CTNND2: variants seen among roughly 807,000 people sequenced by gnomAD.
CTNND2 encodes the protein catenin delta-2.
A neutral mutation model predicts 144.4 loss-of-function variants in CTNND2; 22 were observed. That is an observed-to-expected ratio of 0.15 (90% CI 0.11 to 0.22). The LOEUF (loss-of-function observed/expected upper bound fraction) is 0.22, where lower values mean the gene tolerates loss of function less well. Ranked by LOEUF, CTNND2 falls within the 10% of genes least tolerant of loss-of-function variation. CTNND2 has a pLI of 1.00. For missense variants in CTNND2, 1,353 were observed against 1,618.8 expected (o/e 0.84, Z 2.82); for synonymous variants, 751 against 695.6 (o/e 1.08, Z -1.25).
intron 1 of CTNND2, among the ~76,000 whole-genome samples, chr5:11,881,233 G>A (rs1269798084): frequency 6.6e-6 from 1 of 151,894 alleles, no homozygotes; most frequent in African/African-American, 2.4e-5. Flanking sequence ...TATACAATGT[G>A]TAGTGATCAA....
At chr5:11,409,273 C>G (rs1339659810) in intron 5 of CTNND2, among the ~76,000 whole-genome samples, 6 of 151,898 alleles carry the variant, frequency 4.0e-5, no homozygotes, top group Non-Finnish European at 7.4e-5. Flanking sequence ...AGATTTTTAT[C>G]CAAGAATATG....
At chr5:11,063,672 T>C (rs906550570) in intron 16 of CTNND2, among the ~76,000 whole-genome samples, 2 of 152,098 alleles carry the variant, frequency 1.3e-5, no homozygotes, top group African/African-American at 4.8e-5. Context: ...TGATGTTGGG[T>C]ACTAAACCAC....
In CTNND2 at chr5:11,633,738, T is replaced by C. The variant is rs2727609; in HGVS notation, c.175-68682A>G. Reference sequence around the variant, plus strand: ...TTGCAGTAAGCCACAAATGTGCCAATGTACTCCAGTCTGGGTGACAGAATG... The same window carrying C: ...TTGCAGTAAGCCACAAATGTGCCAACGTACTCCAGTCTGGGTGACAGAATG... On this transcript the variant is annotated intron_variant, in intron 2 of 21. Transcript: ENST00000304623. 4.3e-3 allele frequency among the ~76,000 whole-genome samples: 651 copies of C among 149,858 alleles called. 4 individuals carry two copies. Among genetic ancestry groups the C allele is most frequent in the African/African-American group, 0.015 (621 of 40,554 alleles).
rs1032375200 is a variant in CTNND2 at position 11,463,804 on chromosome 5, A to G, written c.288-51735T>C. On this transcript the variant is annotated intron_variant, in intron 3 of 21. Coordinates refer to ENST00000304623, the MANE Select transcript of CTNND2 (RefSeq NM_001332.4). ...CACTGGGCAATGGAGGCAGGAGTCT[A>G]TGAACTACAGGTCCAGCTAAGCTTT... 2.0e-5 allele frequency among the ~76,000 whole-genome samples: 3 copies of G among 151,894 alleles called. No individual in the cohort carries two copies. The East Asian group carries it at 5.8e-4, about 29-fold the overall frequency.
chr5:11,398,490 T>C (rs1239507494), intron 5 of CTNND2, among the ~76,000 whole-genome samples: 1 of 152,158 alleles, frequency 6.6e-6, no homozygotes, highest in South Asian at 2.1e-4. Flanking sequence ...TTCATCAGTA[T>C]TTGAAACAAC....
At chr5:11,885,583 C>T (rs1258813557) in intron 1 of CTNND2, among the ~76,000 whole-genome samples, 2 of 152,110 alleles carry the variant, frequency 1.3e-5, no homozygotes, top group African/African-American at 4.8e-5. Flanking sequence ...GAGATATAGG[C>T]TGCAGTATAA....
chr5:11,690,593 G>A (rs551882650), intron 2 of CTNND2, among the ~76,000 whole-genome samples: 53 of 151,530 alleles, frequency 3.5e-4, no homozygotes, highest in African/African-American at 1.1e-3. Flanking sequence ...AAAATTAGCC[G>A]GGCGCGGTGG....
chr5:11,621,518 G>A (rs542934789), intron 2 of CTNND2, among the ~76,000 whole-genome samples: 23 of 152,144 alleles, frequency 1.5e-4, no homozygotes, highest in Admixed American at 5.2e-4. Context: ...AGAAAAAATC[G>A]TGTAAATGGC....
At chr5:11,674,540 T>C (rs1369810311) in intron 2 of CTNND2, among the ~76,000 whole-genome samples, 2 of 152,196 alleles carry the variant, frequency 1.3e-5, no homozygotes, top group Non-Finnish European at 2.9e-5. Context: ...CCAAAGTTCA[T>C]AGTTTACCTT....
intron 16 of CTNND2, among the ~76,000 whole-genome samples, chr5:11,061,777 C>T (rs1008995817): frequency 5.3e-5 from 8 of 151,918 alleles, no homozygotes; most frequent in African/African-American, 1.2e-4. Flanking sequence ...GGTGCAATCT[C>T]GGCTCACTGC....
At chr5:11,693,028 G>A (rs760795833) in intron 2 of CTNND2, among the ~76,000 whole-genome samples, 2 of 152,108 alleles carry the variant, frequency 1.3e-5, no homozygotes, top group African/African-American at 2.4e-5. Flanking sequence ...AACACATCTG[G>A]GTTGTCAATT....
At chr5:11,711,914 C>T (rs1320526479) in intron 2 of CTNND2, among the ~76,000 whole-genome samples, 1 of 152,202 alleles carries the variant, frequency 6.6e-6, no homozygotes, top group East Asian at 1.9e-4. Flanking sequence ...GTGTGTGAGG[C>T]ATGGTGCCTG....
intron 12 of CTNND2, among the ~76,000 whole-genome samples, chr5:11,128,204 G>T (rs1442881173): frequency 6.6e-6 from 1 of 152,016 alleles, no homozygotes; most frequent in Non-Finnish European, 1.5e-5. Context: ...TCAGCTCCCA[G>T]CTGCTAGCTT....
chr5:11,902,466 G>A (rs1191879162), intron 1 of CTNND2, among the ~76,000 whole-genome samples: 1 of 152,160 alleles, frequency 6.6e-6, no homozygotes, highest in African/African-American at 2.4e-5. Context: ...GTAGGTGAAT[G>A]ACCAGCAGCA....
intron 12 of CTNND2, among the ~76,000 whole-genome samples, chr5:11,128,795 T>TAAATACA (rs372613635): frequency 3.2e-5 from 2 of 61,546 alleles, no homozygotes; most frequent in Non-Finnish European, 5.4e-5. Context: ...TAAATATATA[T>TAAATACA]TATATATATA....
Position 11,022,881 on chromosome 5 carries a change from C to G in CTNND2, c.2887G>C (p.Val963Leu). 1.9e-6 allele frequency: 3 copies of G among 1,614,196 alleles called. No homozygotes were observed. Among genetic ancestry groups the G allele is most frequent in the African/African-American group, 1.3e-5 (1 of 75,048 alleles). Residue 963 changes from valine (V) to leucine (L), a missense_variant, in exon 17 of 22, where the codon GTC becomes CTC. Physicochemically the swap from Val to Leu is conservative, Grantham distance 32 (BLOSUM62 1). Around this residue, in one of 4 missense-constraint regions of CTNND2, gnomAD observed 459 missense variants for 674.3 expected, o/e 0.68. Transcript: ENST00000304623. ...ATCACTTCGTGCAGTGTGCAGCAGA[C>G]AGCTGTCACTGTGTCATCCGACATG... Reference protein sequence around the residue: ...KAMSDDTVTAVCCTLHEVITK... With the variant: ...KAMSDDTVTALCCTLHEVITK...
At chr5:11,043,666 T>C (rs974533800) in intron 16 of CTNND2, among the ~76,000 whole-genome samples, 1 of 152,216 alleles carries the variant, frequency 6.6e-6, no homozygotes, top group Non-Finnish European at 1.5e-5. Flanking sequence ...AAATGACTTA[T>C]TGTTATATCT....
chr5:11,783,158 C>T (rs569182986), intron 1 of CTNND2, among the ~76,000 whole-genome samples: 7 of 152,250 alleles, frequency 4.6e-5, no homozygotes, highest in Non-Finnish European at 7.3e-5. Flanking sequence ...TTCTCCCAGG[C>T]TCCCCAGTCA....
intron 7 of CTNND2, among the ~76,000 whole-genome samples, chr5:11,377,886 A>G (rs536421820): frequency 6.6e-6 from 1 of 152,262 alleles, no homozygotes; most frequent in Non-Finnish European, 1.5e-5. Flanking sequence ...TATCAAATGA[A>G]TTTACAAAAG....
Sources: gnomAD v4.1 joint callset for allele counts (sites outside exome capture counted in the v4.1 genomes callset) on GRCh38, gnomAD v4.1.1 for gene constraint, gnomAD v4.1.1 regional missense constraint, MANE v1.5 for transcripts, NCBI Gene and HGNC (gene_info 2026-07-23, HGNC 2026-07-21) for gene names.